DERA: variants seen among roughly 807,000 people sequenced by gnomAD.
DERA encodes deoxyribose-phosphate aldolase, also known as 2-deoxy-D-ribose 5-phosphate aldolase.
A neutral mutation model predicts 41.1 loss-of-function variants in DERA; 15 were observed. The ratio of observed to expected loss-of-function variants is 0.37; its 90% confidence interval spans 0.24 to 0.56. The LOEUF (loss-of-function observed/expected upper bound fraction) is 0.56. Ranked by LOEUF, DERA falls within the 20% of genes least tolerant of loss-of-function variation. The pLI, the probability that DERA is intolerant of heterozygous loss-of-function variation, is 0.81. For synonymous variants in DERA, 139 were observed against 137.4 expected (o/e 1.01, Z -0.08); for missense variants, 396 against 403.4 (o/e 0.98, Z 0.16).
chr12:15,946,364 T>G (rs1457632906), intron 1 of DERA, among the ~76,000 whole-genome samples: 5 of 152,164 alleles, frequency 3.3e-5, no homozygotes, highest in Admixed American at 6.5e-5. Flanking sequence ...GTCCTGGACT[T>G]TTTTTGGTTG....
chr12:15,954,375 A>G lies in DERA; in HGVS notation c.32-2561A>G, dbSNP rs1324928374. Among the ~76,000 whole-genome samples, 1 of 152,124 alleles carries G rather than the reference A, an allele frequency of 6.6e-6. No individual in the cohort carries two copies. The highest frequency in any genetic ancestry group is 2.4e-5 in the African/African-American group (1 of 41,420). The stretch of plus-strand genomic sequence containing the variant: ...ATCAGTGGCATTCTGAGTGAAGGGG[A>G]TGTACTAAAGGTGGAATGCAGAGTT... On this transcript the variant is annotated intron_variant, in intron 1 of 8. Transcript: ENST00000428559. The surrounding 1 kb of genome is among the most constrained non-coding windows in gnomAD (Gnocchi z 4.0).
chr12:15,951,672 G>A (rs796954712), intron 1 of DERA, among the ~76,000 whole-genome samples: 9 of 152,262 alleles, frequency 5.9e-5, no homozygotes, highest in South Asian at 2.1e-4. Context: ...AATATATAAC[G>A]TGAGAAAGTA....
At position 16,036,120 on chromosome 12, in the gene DERA, T is replaced by C; in HGVS notation, c.751-112T>C. On this transcript the variant is annotated intron_variant, in intron 7 of 8. Coordinates refer to ENST00000428559, the MANE Select transcript of DERA (RefSeq NM_015954.4). The surrounding 1 kb of genome is among the most constrained non-coding windows in gnomAD (Gnocchi z 4.9). ...TTCACTGGATGAAGTGAAAAGATTT[T>C]TTTTCAACAAAAGAGGGAGAGAGAG... 2 of 1,062,614 alleles carry C rather than the reference T, an allele frequency of 1.9e-6. No homozygotes were observed. The highest frequency in any genetic ancestry group is 2.5e-6 in the Non-Finnish European group (2 of 803,096). The allele number at this position is 1,062,614 out of a possible 1,614,324, so 65.8% of individuals were successfully genotyped here.
At chr12:16,023,492 T>G (rs1441466492) in intron 6 of DERA, among the ~76,000 whole-genome samples, 1 of 148,012 alleles carries the variant, frequency 6.8e-6, no homozygotes, top group East Asian at 1.9e-4. Flanking sequence ...TTTTTTTTTT[T>G]TTTGAGACGG....
chr12:16,027,141 C>A (rs1367429253), intron 6 of DERA, among the ~76,000 whole-genome samples: 1 of 152,142 alleles, frequency 6.6e-6, no homozygotes, highest in Non-Finnish European at 1.5e-5. Flanking sequence ...GAAATATCTT[C>A]AACTTAATAA....
chr12:16,017,087 A>C lies in DERA; in HGVS notation c.638-15455A>C, dbSNP rs1426296611. 1.3e-5 allele frequency among the ~76,000 whole-genome samples: 2 copies of C among 152,174 alleles called. No individual in the cohort carries two copies. Among genetic ancestry groups the C allele is most frequent in the African/African-American group, 4.8e-5 (2 of 41,444 alleles). ...CAAGGATTATACAGTCAGAGTCCCCACTTTGTATTCCACTTAAATCATACT... is the reference window on the plus strand; with the variant it reads ...CAAGGATTATACAGTCAGAGTCCCCCCTTTGTATTCCACTTAAATCATACT... On this transcript the variant is annotated intron_variant, in intron 6 of 8. Coordinates refer to ENST00000428559, the MANE Select transcript of DERA (RefSeq NM_015954.4). This position sits in a 1 kb window ranked among gnomAD's most constrained non-coding sequence, Gnocchi z 5.5.
At chr12:15,939,933 G>C (rs1026145239) in intron 1 of DERA, among the ~76,000 whole-genome samples, 7 of 152,122 alleles carry the variant, frequency 4.6e-5, no homozygotes, top group African/African-American at 1.7e-4. Flanking sequence ...TTTTACTTTA[G>C]TTGTTAGACT....
Position 16,012,039 on chromosome 12 carries a change from G to T in DERA, c.638-20503G>T, listed in dbSNP as rs1018398255. On this transcript the variant is annotated intron_variant, in intron 6 of 8. Transcript: ENST00000428559. This position sits in a 1 kb window ranked among gnomAD's most constrained non-coding sequence, Gnocchi z 4.1. ...ACATAAAACATGCATAACTAAGTCA[G>T]TGTTTCCTCAAAAGGGGCAGAGTTT... Among the ~76,000 whole-genome samples, 1 of 152,202 alleles carries T rather than the reference G, an allele frequency of 6.6e-6. No individual in the cohort carries two copies. Among genetic ancestry groups the T allele is most frequent in the African/African-American group, 2.4e-5 (1 of 41,444 alleles).
chr12:15,934,312 C>T (rs529300810), intron 1 of DERA, among the ~76,000 whole-genome samples: 7 of 152,194 alleles, frequency 4.6e-5, no homozygotes, highest in East Asian at 1.9e-4. Flanking sequence ...ATAGGCCCTG[C>T]GCGGTGGCTC....
chr12:15,970,277 G>A lies in DERA; in HGVS notation c.508+7330G>A, dbSNP rs531521971. 7.9e-5 allele frequency among the ~76,000 whole-genome samples: 12 copies of A among 152,192 alleles called. No individual in the cohort carries two copies. The South Asian group carries it at 1.0e-3, about 13-fold the overall frequency. ...AAAAAATAATTGCTTAGATATGTTC[G>A]TTAACAATTATTTTTAAGTGCCTTT... On this transcript the variant is annotated intron_variant, in intron 5 of 8. Coordinates refer to ENST00000428559, the MANE Select transcript of DERA (RefSeq NM_015954.4). The surrounding 1 kb of genome is among the most constrained non-coding windows in gnomAD (Gnocchi z 4.3).
At chr12:15,971,059 T>C (rs1221265507) in intron 5 of DERA, among the ~76,000 whole-genome samples, 1 of 152,184 alleles carries the variant, frequency 6.6e-6, no homozygotes, top group Non-Finnish European at 1.5e-5. Flanking sequence ...AGCAGCCCTT[T>C]ATAGAGGTAA....
In DERA at chr12:15,992,167, T is replaced by G. The variant is rs1205516933; in HGVS notation, c.637+9731T>G. Among the ~76,000 whole-genome samples, 1 of 151,910 alleles carries G rather than the reference T, an allele frequency of 6.6e-6. No individual in the cohort carries two copies. The highest frequency in any genetic ancestry group is 1.5e-5 in the Non-Finnish European group (1 of 67,930). On this transcript the variant is annotated intron_variant, in intron 6 of 8. Coordinates refer to ENST00000428559, the MANE Select transcript of DERA (RefSeq NM_015954.4). The surrounding 1 kb of genome is among the most constrained non-coding windows in gnomAD (Gnocchi z 4.3). ...GATTACTATCAAACCTGGCATATAGTAGAGCCTAAGAATATATTTCCATAT... is the reference window on the plus strand; with the variant it reads ...GATTACTATCAAACCTGGCATATAGGAGAGCCTAAGAATATATTTCCATAT...
intron 1 of DERA, among the ~76,000 whole-genome samples, chr12:15,929,858 C>A (rs1311086570): frequency 6.6e-6 from 1 of 152,090 alleles, no homozygotes; most frequent in Non-Finnish European, 1.5e-5. Context: ...AGAGTTTGAG[C>A]CCATCCTGAT....
intron 1 of DERA, among the ~76,000 whole-genome samples, chr12:15,950,075 A>G (rs1324654271): frequency 6.6e-6 from 1 of 151,972 alleles, no homozygotes; most frequent in Non-Finnish European, 1.5e-5. Context: ...TCTTTCTGTT[A>G]CCAGAAAGGG....
intron 1 of DERA, among the ~76,000 whole-genome samples, chr12:15,927,177 TATA>T (rs1948293257): frequency 6.6e-6 from 1 of 152,206 alleles, no homozygotes; most frequent in African/African-American, 2.4e-5. Context: ...TGGTAATACA[TATA>T]ATAAAGATTA....
chr12:15,987,319 C>T (rs1017868225), intron 6 of DERA, among the ~76,000 whole-genome samples: 1 of 150,646 alleles, frequency 6.6e-6, no homozygotes, highest in African/African-American at 2.4e-5. Context: ...TCACTGCAAC[C>T]TCCACCTCCC....
rs1350420106 is a variant in DERA, at chr12:15,921,991, C to G, written c.31+10577C>G. The stretch of plus-strand genomic sequence containing the variant: ...CAAGAAATGTATTTTAGTTTTGTGT[C>G]TTTATAAGCAGAGTTTTCCTTTTTT... On this transcript the variant is annotated intron_variant, in intron 1 of 8. Coordinates refer to ENST00000428559, the MANE Select transcript of DERA (RefSeq NM_015954.4). The surrounding 1 kb of genome is among the most constrained non-coding windows in gnomAD (Gnocchi z 5.3). Among the ~76,000 whole-genome samples the G allele has an allele frequency of 6.6e-6, 1 of 152,084 alleles. No homozygotes were observed. Among genetic ancestry groups the G allele is most frequent in the Non-Finnish European group, 1.5e-5 (1 of 68,022 alleles).
Position 15,995,849 on chromosome 12 carries a change from T to G in DERA, c.637+13413T>G, listed in dbSNP as rs899490281. Among the ~76,000 whole-genome samples, 1 of 152,250 alleles carries G rather than the reference T, an allele frequency of 6.6e-6. No homozygotes were observed. Among genetic ancestry groups the G allele is most frequent in the Non-Finnish European group, 1.5e-5 (1 of 68,044 alleles). ...TGTTCAAATACTTGGAAGATTTTCC[T>G]GATAAAGGAAGATTTTTCTCTCTTA... On this transcript the variant is annotated intron_variant, in intron 6 of 8. Coordinates refer to ENST00000428559, the MANE Select transcript of DERA (RefSeq NM_015954.4). The surrounding 1 kb of genome is among the most constrained non-coding windows in gnomAD (Gnocchi z 5.1).
chr12:15,971,332 G>T, intron 5 of DERA, among the ~76,000 whole-genome samples: 1 of 152,096 alleles, frequency 6.6e-6, no homozygotes. Flanking sequence ...CAGGTAAACT[G>T]CTGGCCAACT....
Sources: allele counts gnomAD v4.1 joint callset (sites outside exome capture counted in the v4.1 genomes callset), GRCh38; gene constraint gnomAD v4.1.1; non-coding constraint Gnocchi (gnomAD v3.1); transcripts MANE v1.5; gene names NCBI Gene and HGNC (gene_info 2026-07-23, HGNC 2026-07-21).